Variants in NKAIN4 observed in about 807,000 individuals in gnomAD.
NKAIN4 encodes the protein sodium/potassium-transporting ATPase subunit beta-1-interacting protein 4.
In NKAIN4, 28 loss-of-function variants were observed where a neutral mutation model predicts 28.8. The ratio of observed to expected loss-of-function variants is 0.97; its 90% CI spans 0.72 to 1.33. The LOEUF (loss-of-function observed/expected upper bound fraction) is 1.33, where lower values mean the gene tolerates loss of function less well. Ranked by LOEUF, NKAIN4 falls within the 40% of genes most tolerant of loss-of-function variation. NKAIN4 has a pLI of 0.00. For synonymous variants in NKAIN4, 122 were observed against 115.6 expected (o/e 1.06, Z -0.36); for missense variants, 289 against 277.2 (o/e 1.04, Z -0.30).
In NKAIN4 at chr20:63,241,165, C is replaced by T. The variant is rs1478176583; in HGVS notation, c.*332G>A. On this transcript the variant is annotated 3_prime_UTR_variant, in exon 7 of 7. Transcript: ENST00000370316. ...AGGTGGGCACCTGAGGGAGGGGCTC[C>T]TCGACGAGACGACAGCCTGGGGGCA... 2 of 329,712 alleles carry T rather than the reference C, an allele frequency of 6.1e-6. No individual in the cohort carries two copies. The highest frequency in any genetic ancestry group is 1.6e-4 in the East Asian group (2 of 12,568). The allele number at this position is 329,712 out of a possible 1,614,324, so 20.4% of individuals were successfully genotyped here.
chr20:63,254,369 G>T, intron 1 of NKAIN4, 28 bp downstream of exon 1: 1 of 1,437,552 alleles, frequency 7.0e-7, no homozygotes. Context: ...GGGGGCTCCA[G>T]GAGGCTCGCG....
In NKAIN4 at chr20:63,252,006, C is replaced by T. The variant is rs58229940; in HGVS notation, c.55-1934G>A. Reference sequence around the variant, plus strand: ...TTCTTGCCCTGGCCCACTTTGCCTACGCCGGGCACAGTTCTGTGAGGTCTG... The same window carrying T: ...TTCTTGCCCTGGCCCACTTTGCCTATGCCGGGCACAGTTCTGTGAGGTCTG... On this transcript the variant is annotated intron_variant, in intron 1 of 6. Transcript: ENST00000370316. The surrounding 1 kb of genome is among the most constrained non-coding windows in gnomAD (Gnocchi z 4.6). Among the ~76,000 whole-genome samples, 22,403 of 152,186 alleles carry T rather than the reference C, an allele frequency of 0.15. 1,739 individuals are homozygous for T. Among genetic ancestry groups the T allele is most frequent in the Middle Eastern group, 0.31 (90 of 294 alleles).
At chr20:63,241,845 C>G (rs2066757755) in intron 6 of NKAIN4, 4 of 455,744 alleles carry the variant, frequency 8.8e-6, no homozygotes, top group Non-Finnish European at 1.7e-5. Flanking sequence ...TCTTTATTCC[C>G]CTGTTCTCTG....
chr20:63,251,052 A>G (rs376652648), intron 1 of NKAIN4, among the ~76,000 whole-genome samples: 1 of 152,028 alleles, frequency 6.6e-6, no homozygotes, highest in African/African-American at 2.4e-5. Flanking sequence ...GATACAAGAC[A>G]AAAGGGCAGG....
chr20:63,252,034 C>A lies in NKAIN4; in HGVS notation c.55-1962G>T, dbSNP rs1601299960. On this transcript the variant is annotated intron_variant, in intron 1 of 6. Coordinates refer to ENST00000370316, the MANE Select transcript of NKAIN4 (RefSeq NM_152864.4). This position sits in a 1 kb window ranked among gnomAD's most constrained non-coding sequence, Gnocchi z 4.6. ...CGGGCACAGTTCTGTGAGGTCTGGG[C>A]TGGCGGCTGGGACAAGCTGCACATC... Among the ~76,000 whole-genome samples the A allele has an allele frequency of 6.6e-6, 1 of 152,194 alleles. No individual in the cohort carries two copies. Among genetic ancestry groups the A allele is most frequent in the East Asian group, 1.9e-4 (1 of 5,184 alleles).
At chr20:63,253,431 C>T (rs2066995910) in intron 1 of NKAIN4, 12 of 985,558 alleles carry the variant, frequency 1.2e-5, no homozygotes, top group Non-Finnish European at 1.4e-5. Context: ...AGCTGCACAG[C>T]CACGGACTCC....
intron 1 of NKAIN4, among the ~76,000 whole-genome samples, chr20:63,251,052 A>C (rs376652648): frequency 5.2e-4 from 79 of 152,144 alleles, no homozygotes; most frequent in African/African-American, 1.9e-3. Flanking sequence ...GATACAAGAC[A>C]AAAGGGCAGG....
rs534143830 is a variant in NKAIN4, at chr20:63,247,275, G to A, written c.471+303C>T. The A allele has an allele frequency of 3.4e-4, 452 of 1,311,702 alleles. 1 individual carries two copies. In the African/African-American group the frequency reaches 6.1e-3, roughly 18 times the overall value. 81.3% of individuals were successfully genotyped at this position (1,311,702 alleles called of 1,614,324 possible). On this transcript the variant is annotated intron_variant, in intron 4 of 6. Transcript: ENST00000370316. The stretch of plus-strand genomic sequence containing the variant: ...CCTTGGGGCCGTCAAAGCCAGAGGC[G>A]GGGTGTCTCGGCCTGATCCGATTCC...
At chr20:63,243,890 G>T in intron 5 of NKAIN4, 134 bp downstream of exon 5, 1 of 711,020 alleles carries the variant, frequency 1.4e-6, no homozygotes, top group Non-Finnish European at 2.4e-6. Flanking sequence ...CTACGGCCGT[G>T]AGCAAGGCCC....
Position 63,252,939 on chromosome 20 carries a change from C to G in NKAIN4, c.54+1458G>C, listed in dbSNP as rs1025653771. Reference sequence around the variant, plus strand: ...CCCATTTCTCCTGCCCAAACCCCAGCACCATCAACCCCAGCACATCCTCAC... The same window carrying G: ...CCCATTTCTCCTGCCCAAACCCCAGGACCATCAACCCCAGCACATCCTCAC... On this transcript the variant is annotated intron_variant, in intron 1 of 6. Coordinates refer to ENST00000370316, the MANE Select transcript of NKAIN4 (RefSeq NM_152864.4). This position sits in a 1 kb window ranked among gnomAD's most constrained non-coding sequence, Gnocchi z 4.6. Among the ~76,000 whole-genome samples the G allele has an allele frequency of 1.3e-5, 2 of 152,206 alleles. No individual in the cohort carries two copies. The highest frequency in any genetic ancestry group is 2.9e-5 in the Non-Finnish European group (2 of 68,036).
intron 5 of NKAIN4, among the ~76,000 whole-genome samples, chr20:63,242,833 C>T (rs1242232261): frequency 7.9e-5 from 4 of 50,556 alleles, no homozygotes; most frequent in East Asian, 5.7e-4. Flanking sequence ...GGGACGGCAT[C>T]GGGGGACAGT....
chr20:63,241,554 G>A lies in NKAIN4; in HGVS notation c.618-48C>T, dbSNP rs956330447. ...CACCTGGGGGAACAGGGCTGGGGCA[G>A]CCACTGGGGGCTGCCACCCCCTCCC... On this transcript the variant is annotated intron_variant, in intron 6 of 6. Coordinates refer to ENST00000370316, the MANE Select transcript of NKAIN4 (RefSeq NM_152864.4). 33 of 1,523,762 alleles carry A rather than the reference G, an allele frequency of 2.2e-5. No homozygotes were observed. The Admixed American group carries it at 3.2e-4, about 15-fold the overall frequency. The allele number at this position is 1,523,762 out of a possible 1,614,324, so 94.4% of individuals were successfully genotyped here.
At chr20:63,251,700 G>C (rs1271049926) in intron 1 of NKAIN4, among the ~76,000 whole-genome samples, 1 of 152,074 alleles carries the variant, frequency 6.6e-6, no homozygotes, top group African/African-American at 2.4e-5. Context: ...TTATAATACG[G>C]GAACAAAGAG....
chr20:63,244,431 C>A lies in NKAIN4; in HGVS notation c.472-347G>T, dbSNP rs1292990627. ...AGCCCAGGCTGGATGAACCCCAGGC[C>A]AGCACAGTCCCAGCCCTGCGTCCCC... is the stretch of plus-strand genomic sequence containing the variant. On this transcript the variant is annotated intron_variant, in intron 4 of 6. Coordinates refer to ENST00000370316, the MANE Select transcript of NKAIN4 (RefSeq NM_152864.4). The A allele has an allele frequency of 6.0e-6, 3 of 498,674 alleles. No homozygotes were observed. The East Asian group carries it at 1.7e-4, about 29-fold the overall frequency. 30.9% of individuals were successfully genotyped at this position (498,674 alleles called of 1,614,324 possible). A position where few individuals can be genotyped will look rare whatever the true frequency, so the allele number is the denominator to read the frequency against.
rs528990055 is a variant in NKAIN4, at chr20:63,246,733, T to C, written c.471+845A>G. ...CGGCACCAGCCGTGCTGCAGTCACA[T>C]TGGCCCTGCCCCCGGAGCTCTTGAG... On this transcript the variant is annotated intron_variant, in intron 4 of 6. Transcript: ENST00000370316. 4.1e-6 allele frequency: 4 copies of C among 985,432 alleles called. No homozygotes were observed. In the East Asian group the frequency reaches 4.5e-4, roughly 112 times the overall value. 61.0% of individuals were successfully genotyped at this position (985,432 alleles called of 1,614,324 possible). A position where few individuals can be genotyped will look rare whatever the true frequency, so the allele number is the denominator to read the frequency against.
At chr20:63,246,735 G>C in intron 4 of NKAIN4, 2 of 969,774 alleles carry the variant, frequency 2.1e-6, no homozygotes, top group Non-Finnish European at 2.4e-6. Flanking sequence ...CAGTCACATT[G>C]GCCCTGCCCC....
rs2123050687 is a variant in NKAIN4, at chr20:63,242,584, T to C, written c.572A>G (p.His191Arg). Residue 191 changes from histidine to arginine, a missense_variant, in exon 6 of 7, where the codon CAT (histidine) becomes CGT (arginine). Transcript: ENST00000370316. ...IGGFDPFPLY[H>R]VNEKPSSLLS... is the part of the protein sequence containing the mutation. ...GAGACTGGATGGCTTTTCATTGACA[T>C]GGTAGAGAGGAAATGGATCAAATCC... The C allele has an allele frequency of 6.2e-7, 1 of 1,613,618 alleles. No individual in the cohort carries two copies. The highest frequency in any genetic ancestry group is 8.5e-7 in the Non-Finnish European group (1 of 1,179,724).
intron 1 of NKAIN4, chr20:63,253,364 C>T (rs1004688539): frequency 3.0e-6 from 3 of 985,290 alleles, no homozygotes; most frequent in South Asian, 4.7e-5. Context: ...ACGATGCCTC[C>T]GCCGTCCCTA....
At chr20:63,247,411 C>T (rs780877233) in intron 4 of NKAIN4, 167 bp downstream of exon 4, 2 of 1,535,812 alleles carry the variant, frequency 1.3e-6, no homozygotes, top group African/African-American at 1.4e-5. Flanking sequence ...CCACATGGGA[C>T]CCACCCGTGA....
Sources: allele counts gnomAD v4.1 joint callset (sites outside exome capture counted in the v4.1 genomes callset), GRCh38; gene constraint gnomAD v4.1.1; non-coding constraint Gnocchi (gnomAD v3.1); transcripts MANE v1.5; gene names NCBI Gene and HGNC (gene_info 2026-07-23, HGNC 2026-07-21).